PDSS1: variants seen among roughly 807,000 people sequenced by gnomAD.
The protein encoded by PDSS1 is all trans-polyprenyl-diphosphate synthase PDSS1.
In PDSS1, 43 loss-of-function variants were observed where a neutral mutation model predicts 57.5. The ratio of observed to expected loss-of-function variants is 0.75; its 90% CI spans 0.59 to 0.96. The LOEUF is 0.96. Among genes scored for constraint, PDSS1 ranks in the 50% least tolerant of loss-of-function variants. The pLI is 0.00. For missense variants in PDSS1, 438 were observed against 527.8 expected (o/e 0.83, Z 1.67); for synonymous variants, 175 against 191.3 (o/e 0.91, Z 0.70).
rs1264645637 is a variant in PDSS1, at chr10:26,710,285, G to A, written c.467+517G>A. On this transcript the variant is annotated intron_variant, in intron 5 of 11. Coordinates refer to ENST00000376215, the MANE Select transcript of PDSS1 (RefSeq NM_014317.5). ...TTTTGAGACGGAGTCTTGCTCTGTC[G>A]CCCAGGCTGGAGTGCAGTGGTGTGA... is the stretch of plus-strand genomic sequence containing the variant. Among the ~76,000 whole-genome samples, 2 of 83,662 alleles carry A rather than the reference G, an allele frequency of 2.4e-5. 1 individual carries two copies. The highest frequency in any genetic ancestry group is 5.4e-5 in the Non-Finnish European group (2 of 37,256). 54.9% of individuals were successfully genotyped at this position (83,662 alleles called of 152,430 possible). A position where few individuals can be genotyped will look rare whatever the true frequency, so the allele number is the denominator to read the frequency against.
Position 26,697,737 on chromosome 10 carries a change from G to T in PDSS1, c.26G>T (p.Arg9Leu). The change falls in exon 1 of 12, where the codon CGG (arginine) becomes CTG (leucine). Residue 9 changes from arginine (R) to leucine (L), a missense_variant. Arg to Leu is a moderately radical substitution (Grantham distance 102, BLOSUM62 -2). This residue lies in a region of PDSS1 where 154 missense variants were observed against 137.0 expected (regional missense o/e 1.12). Coordinates refer to ENST00000376215, the MANE Select transcript of PDSS1 (RefSeq NM_014317.5). MASRWWRW[R>L]RGCSWKPAAR... ...ATGGCCTCGCGCTGGTGGCGGTGGC[G>T]GCGCGGCTGCTCCTGGAAGCCGGCG... is the stretch of plus-strand genomic sequence containing the variant. 7.7e-7 allele frequency: 1 copy of T among 1,297,034 alleles called. No homozygotes were observed. Among genetic ancestry groups the T allele is most frequent in the South Asian group, 2.4e-5 (1 of 41,976 alleles). 80.3% of individuals were successfully genotyped at this position (1,297,034 alleles called of 1,614,324 possible). A position where few individuals can be genotyped will look rare whatever the true frequency, so the allele number is the denominator to read the frequency against.
In PDSS1 at chr10:26,746,537, A is replaced by G; in HGVS notation, c.*64A>G. 6.4e-7 allele frequency: 1 copy of G among 1,558,146 alleles called. No individual in the cohort carries two copies. ...CTGTGCCTAAAGAATTTTGTGGAAT[A>G]CACTTTGTTTGCTTCATGTGCAGAT... On this transcript the variant is annotated 3_prime_UTR_variant, in exon 12 of 12. Transcript: ENST00000376215.
chr10:26,720,198 C>T lies in PDSS1; in HGVS notation c.468-20C>T. On this transcript the variant is annotated intron_variant, in intron 5 of 11. Transcript: ENST00000376215. ...GTTCTAGGCGGCGTCTGTTAAAAAG[C>T]ATTGCTTTCTGTTAATTAGACATGT... 1 of 1,612,308 alleles carries T rather than the reference C, an allele frequency of 6.2e-7. No homozygotes were observed. Among genetic ancestry groups the T allele is most frequent in the Non-Finnish European group, 8.5e-7 (1 of 1,179,964 alleles).
rs199973126 is a variant in PDSS1 at position 26,711,838 on chromosome 10, A to G, written c.467+2070A>G. Among the ~76,000 whole-genome samples, 2 of 95,556 alleles carry G rather than the reference A, an allele frequency of 2.1e-5. 1 individual carries two copies. Among genetic ancestry groups the G allele is most frequent in the East Asian group, 5.1e-4 (2 of 3,960 alleles). 62.7% of individuals were successfully genotyped at this position (95,556 alleles called of 152,430 possible). On this transcript the variant is annotated intron_variant, in intron 5 of 11. Coordinates refer to ENST00000376215, the MANE Select transcript of PDSS1 (RefSeq NM_014317.5). ...CAGCGCAGATTCGCCCCTGGTTGAG[A>G]ATCACTGGTCTAGAGAATGTGTTTA... is the stretch of plus-strand genomic sequence containing the variant.
At chr10:26,719,227 A>G (rs1009846833) in intron 5 of PDSS1, among the ~76,000 whole-genome samples, 2 of 152,168 alleles carry the variant, frequency 1.3e-5, no homozygotes, top group Non-Finnish European at 2.9e-5. Context: ...TTTTCTTGAA[A>G]TTTAGTTTTT....
chr10:26,704,411 T>C (rs1422898956), intron 2 of PDSS1, among the ~76,000 whole-genome samples: 1 of 151,964 alleles, frequency 6.6e-6, no homozygotes, highest in Non-Finnish European at 1.5e-5. Flanking sequence ...AAGATAGATA[T>C]GAATATGGAA....
intron 11 of PDSS1, among the ~76,000 whole-genome samples, chr10:26,745,940 C>A (rs531310586): frequency 5.9e-5 from 9 of 151,528 alleles, no homozygotes; most frequent in Admixed American, 3.9e-4. Flanking sequence ...TCTGTACTTT[C>A]ATTTTGTTAT....
intron 8 of PDSS1, among the ~76,000 whole-genome samples, chr10:26,726,015 C>G (rs1835938068): frequency 6.6e-6 from 1 of 152,118 alleles, no homozygotes; most frequent in Non-Finnish European, 1.5e-5. Context: ...ATGCAGACAT[C>G]CTGCAGGCAC....
intron 5 of PDSS1, chr10:26,714,573 A>G (rs1835503210): frequency 6.6e-6 from 1 of 152,200 alleles, no homozygotes; most frequent in African/African-American, 2.4e-5. Flanking sequence ...TTTCTCAGAC[A>G]AGCCAAACCT....
chr10:26,743,936 C>T (rs1350522129), intron 11 of PDSS1, among the ~76,000 whole-genome samples: 1 of 151,874 alleles, frequency 6.6e-6, no homozygotes, highest in Non-Finnish European at 1.5e-5. Context: ...TAGGAGGATC[C>T]AAAAAGATAC....
rs766397686 is a variant in PDSS1 at position 26,746,467 on chromosome 10, T to C, written c.1242T>C (p.Asp414=). 8 of 1,614,042 alleles carry C rather than the reference T, an allele frequency of 5.0e-6. No homozygotes were observed. The highest frequency in any genetic ancestry group is 5.9e-6 in the Non-Finnish European group (7 of 1,179,986). ...TTTCAGAAATTGTACTCACAAGAGA[T>C]AAATGACAACTCTTTCTGTTCTTTC... ...IQLSEIVLTR[D]K is the part of the protein sequence containing the mutation. Residue 414 remains aspartate (D), a synonymous_variant, in exon 12 of 12, where the codon GAT becomes GAC. Coordinates refer to ENST00000376215, the MANE Select transcript of PDSS1 (RefSeq NM_014317.5).
chr10:26,736,010 A>G (rs1264434916), intron 10 of PDSS1, among the ~76,000 whole-genome samples: 3 of 152,176 alleles, frequency 2.0e-5, no homozygotes, highest in African/African-American at 7.2e-5. Context: ...AAGGGCCTCC[A>G]AGCATAAGAA....
intron 10 of PDSS1, among the ~76,000 whole-genome samples, chr10:26,737,995 C>G (rs74126831): frequency 0.021 from 3,141 of 152,238 alleles, 117 homozygotes; most frequent in African/African-American, 0.071. Flanking sequence ...CAAAAGTAGA[C>G]TGATGTTTCT....
chr10:26,744,991 C>G (rs139082284), intron 11 of PDSS1, among the ~76,000 whole-genome samples: 2,070 of 151,854 alleles, frequency 0.014, 43 homozygotes, highest in African/African-American at 0.047. Flanking sequence ...TGGTGAAACC[C>G]CGTCTCTACT....
intron 8 of PDSS1, among the ~76,000 whole-genome samples, chr10:26,729,445 TC>T (rs1286064830): frequency 6.6e-6 from 1 of 152,220 alleles, no homozygotes; most frequent in Non-Finnish European, 1.5e-5. Flanking sequence ...AACAGATAGT[TC>T]CAAATCCATC....
intron 1 of PDSS1, among the ~76,000 whole-genome samples, chr10:26,700,773 T>C (rs1419312416): frequency 1.3e-5 from 2 of 152,136 alleles, no homozygotes; most frequent in African/African-American, 2.4e-5. Flanking sequence ...TAATTATAGA[T>C]TGCCCAGTCA....
intron 8 of PDSS1, chr10:26,734,855 T>C (rs1836336645): frequency 9.2e-6 from 4 of 434,732 alleles, no homozygotes; most frequent in South Asian, 5.1e-5. Flanking sequence ...TCGGGCTAGC[T>C]TGCCGAGTGC....
chr10:26,698,908 G>A (rs1834960400), intron 1 of PDSS1, among the ~76,000 whole-genome samples: 1 of 152,212 alleles, frequency 6.6e-6, no homozygotes, highest in Non-Finnish European at 1.5e-5. Flanking sequence ...AGAATCGGTT[G>A]AGGCCAGGAG....
At chr10:26,735,681 A>G in intron 10 of PDSS1, 102 bp downstream of exon 10, 2 of 746,820 alleles carry the variant, frequency 2.7e-6, no homozygotes, top group South Asian at 1.4e-5. Flanking sequence ...AATAGATGGG[A>G]AGGCATTCAG....
Sources: allele counts gnomAD v4.1 joint callset (sites outside exome capture counted in the v4.1 genomes callset), GRCh38; gene constraint gnomAD v4.1.1; regional missense constraint gnomAD v4.1.1; transcripts MANE v1.5; gene names NCBI Gene and HGNC (gene_info 2026-07-23, HGNC 2026-07-21).